Variants in ENC1 observed in about 807,000 individuals in gnomAD.
The protein encoded by ENC1 is ectoderm-neural cortex protein 1.
ENC1 carries 19 observed loss-of-function variants against 40.9 expected under a neutral mutation model. The ratio of observed to expected loss-of-function variants is 0.46; its 90% confidence interval spans 0.32 to 0.68. ENC1 has a LOEUF of 0.68. Ranked by LOEUF, ENC1 falls within the 30% of genes least tolerant of loss-of-function variation. The pLI, the probability that ENC1 is intolerant of heterozygous loss-of-function variation, is 0.03. For missense variants in ENC1, 479 were observed against 737.5 expected, an observed-to-expected ratio of 0.65 and a Z score of 4.06; for synonymous variants, 285 against 291.1, an observed-to-expected ratio of 0.98 and a Z score of 0.21.
chr5:74,629,298 C>G lies in ENC1; in HGVS notation c.*727G>C, dbSNP rs1747310444. The G allele has an allele frequency of 6.6e-6, 1 of 152,176 alleles. No homozygotes were observed. The highest frequency in any genetic ancestry group is 2.4e-5 in the African/African-American group (1 of 41,434). 9.4% of individuals were successfully genotyped at this position (152,176 alleles called of 1,614,324 possible). On this transcript the variant is annotated 3_prime_UTR_variant, in exon 3 of 3. Coordinates refer to ENST00000302351, the MANE Select transcript of ENC1 (RefSeq NM_003633.4). ...AAACGTACAACCATTCACACACGTCCATACATGTGAAGACAGCTGTAGGCA... is the reference window on the plus strand; with the variant it reads ...AAACGTACAACCATTCACACACGTCGATACATGTGAAGACAGCTGTAGGCA...
chr5:74,634,853 C>T lies in ENC1; in HGVS notation c.1633G>A (p.Gly545Arg), dbSNP rs1202858810. The T allele has an allele frequency of 6.2e-7, 1 of 1,614,168 alleles. No homozygotes were observed. The highest frequency in any genetic ancestry group is 1.3e-5 in the African/African-American group (1 of 75,036). The change falls in exon 2 of 3, where the codon GGA becomes AGA. Residue 545 changes from glycine to arginine, a missense_variant. Coordinates refer to ENST00000302351, the MANE Select transcript of ENC1 (RefSeq NM_003633.4). ...TTGCATCGCTGAATGCCAAAGTATC[C>T]TCCAACCACGTAGAGTTTGTTTCCA... ...ASGNKLYVVG[G>R]YFGIQRCKTL... is the part of the protein sequence containing the mutation.
chr5:74,631,818 C>T (rs1169663445), intron 2 of ENC1, among the ~76,000 whole-genome samples: 1 of 152,148 alleles, frequency 6.6e-6, no homozygotes, highest in African/African-American at 2.4e-5. Flanking sequence ...AAAGGAGGAA[C>T]CAAAAGTGAA....
intron 2 of ENC1, among the ~76,000 whole-genome samples, chr5:74,633,580 G>A (rs751542973): frequency 2.0e-5 from 3 of 152,166 alleles, no homozygotes; most frequent in Non-Finnish European, 4.4e-5. Flanking sequence ...TAATTTTGGA[G>A]AGAATAAACT....
intron 2 of ENC1, among the ~76,000 whole-genome samples, chr5:74,631,762 G>A (rs1325137865): frequency 6.6e-6 from 1 of 152,170 alleles, no homozygotes; most frequent in African/African-American, 2.4e-5. Flanking sequence ...AACACCCAGG[G>A]TAGGGTGAAG....
At chr5:74,633,028 GAAACA>G (rs1363018095) in intron 2 of ENC1, among the ~76,000 whole-genome samples, 1 of 152,174 alleles carries the variant, frequency 6.6e-6, no homozygotes, top group East Asian at 1.9e-4. Context: ...TCAAAGGTGT[GAAACA>G]TACTAGGGAA....
rs1228620722 is a variant in ENC1, at chr5:74,635,733, G to A, written c.753C>T (p.Ala251=). The A allele has an allele frequency of 6.2e-7, 1 of 1,614,092 alleles. No individual in the cohort carries two copies. Among genetic ancestry groups the A allele is most frequent in the South Asian group, 1.1e-5 (1 of 91,070 alleles). The change falls in exon 2 of 3, where the codon GCC becomes GCT. Residue 251 remains alanine, a synonymous_variant. Coordinates refer to ENST00000302351, the MANE Select transcript of ENC1 (RefSeq NM_003633.4). This position sits in a 1 kb window ranked among gnomAD's most constrained non-coding sequence, Gnocchi z 5.5. ...TCTGCTTGGTGATGAGTTCCTCCAT[G>A]GCCACATTCTCCATGAGATAGATGG... ...LPAIYLMENV[A]MEELITKQRK... is the part of the protein sequence containing the mutation.
At chr5:74,633,840 C>T (rs1374217120) in intron 2 of ENC1, among the ~76,000 whole-genome samples, 7 of 152,164 alleles carry the variant, frequency 4.6e-5, no homozygotes, top group Non-Finnish European at 1.0e-4. Context: ...GCTTAGCCTC[C>T]GTAATGCATG....
intron 2 of ENC1, chr5:74,632,170 T>G (rs1416386801): frequency 1.3e-5 from 2 of 152,252 alleles, no homozygotes; most frequent in African/African-American, 4.8e-5. Context: ...CCCATTGTCA[T>G]TTTTTATGTA....
chr5:74,635,734 G>A lies in ENC1; in HGVS notation c.752C>T (p.Ala251Val), dbSNP rs761380505. The change falls in exon 2 of 3, where the codon GCC (alanine) becomes GTC (valine). Residue 251 changes from alanine (A) to valine (V), a missense_variant. Coordinates refer to ENST00000302351, the MANE Select transcript of ENC1 (RefSeq NM_003633.4). The surrounding 1 kb of genome is among the most constrained non-coding windows in gnomAD (Gnocchi z 5.5). Reference protein sequence around the residue: ...LPAIYLMENVAMEELITKQRK... With the variant: ...LPAIYLMENVVMEELITKQRK... Reference sequence around the variant, plus strand: ...CTGCTTGGTGATGAGTTCCTCCATGGCCACATTCTCCATGAGATAGATGGC... The same window carrying A: ...CTGCTTGGTGATGAGTTCCTCCATGACCACATTCTCCATGAGATAGATGGC... 6.2e-7 allele frequency: 1 copy of A among 1,614,082 alleles called. No individual in the cohort carries two copies.
chr5:74,633,228 T>A (rs1276534347), intron 2 of ENC1, among the ~76,000 whole-genome samples: 1 of 152,240 alleles, frequency 6.6e-6, no homozygotes, highest in Non-Finnish European at 1.5e-5. Flanking sequence ...CTAAGAATGC[T>A]TAGCAGCAAA....
At chr5:74,639,358 A>G (rs1747737649) in intron 1 of ENC1, among the ~76,000 whole-genome samples, 1 of 152,210 alleles carries the variant, frequency 6.6e-6, no homozygotes, top group Non-Finnish European at 1.5e-5. Flanking sequence ...TGGCCAAGAA[A>G]ATGCACACAT....
At position 74,628,817 on chromosome 5, in the gene ENC1, C is replaced by G. The variant is rs1009561607; in HGVS notation, c.*1208G>C. On this transcript the variant is annotated 3_prime_UTR_variant, in exon 3 of 3. Transcript: ENST00000302351. The stretch of plus-strand genomic sequence containing the variant: ...TTAAATGTGGTTATGGCAAAGCATT[C>G]TTAGGGTAATAAATAAATAAATAAA... 1.5e-4 allele frequency: 23 copies of G among 152,204 alleles called. No homozygotes were observed. The highest frequency in any genetic ancestry group is 5.5e-4 in the African/African-American group (23 of 41,534). The allele number at this position is 152,204 out of a possible 1,614,324, so 9.4% of individuals were successfully genotyped here.
At position 74,636,590 on chromosome 5, in the gene ENC1, A is replaced by G; in HGVS notation, c.-13-92T>C. ...AACAATGGTTTTGCACAAAAAACAG[A>G]ACACTTTGTTGTTGACCATGCCACC... On this transcript the variant is annotated intron_variant, in intron 1 of 2. Transcript: ENST00000302351. The surrounding 1 kb of genome is among the most constrained non-coding windows in gnomAD (Gnocchi z 4.8). 1.3e-6 allele frequency: 1 copy of G among 748,358 alleles called. No homozygotes were observed. The highest frequency in any genetic ancestry group is 2.1e-6 in the Non-Finnish European group (1 of 465,494). The allele number at this position is 748,358 out of a possible 1,614,324, so 46.4% of individuals were successfully genotyped here.
chr5:74,636,296 G>A lies in ENC1; in HGVS notation c.190C>T (p.Leu64=), dbSNP rs774597799. 5.0e-6 allele frequency: 8 copies of A among 1,614,088 alleles called. 1 individual carries two copies. The highest frequency in any genetic ancestry group is 6.8e-6 in the Non-Finnish European group (8 of 1,180,056). Residue 64 remains leucine, a synonymous_variant, in exon 2 of 3, where the codon CTG becomes TTG. Coordinates refer to ENST00000302351, the MANE Select transcript of ENC1 (RefSeq NM_003633.4). The surrounding 1 kb of genome is among the most constrained non-coding windows in gnomAD (Gnocchi z 4.8). The stretch of plus-strand genomic sequence containing the variant: ...TCAAAGTAGCGACTGCATGCAGCCA[G>A]CACTGCCCGGTGGCAAGGGAAGGTC... ...NRTFPCHRAV[L]AACSRYFEAM...
At chr5:74,639,059 A>T (rs1747723328) in intron 1 of ENC1, among the ~76,000 whole-genome samples, 1 of 152,362 alleles carries the variant, frequency 6.6e-6, no homozygotes, top group African/African-American at 2.4e-5. Context: ...GGTTGGCCCA[A>T]CAAGCCAGAA....
intron 2 of ENC1, among the ~76,000 whole-genome samples, chr5:74,631,806 A>G (rs1747404314): frequency 6.6e-6 from 1 of 152,232 alleles, no homozygotes; most frequent in South Asian, 2.1e-4. Context: ...CTCTGGGCTG[A>G]AAAAGGAGGA....
intron 2 of ENC1, among the ~76,000 whole-genome samples, chr5:74,633,593 G>A (rs1747464889): frequency 6.6e-6 from 1 of 152,202 alleles, no homozygotes; most frequent in Non-Finnish European, 1.5e-5. Context: ...AATAAACTAG[G>A]AATGAATTTG....
chr5:74,630,751 C>T (rs1239646728), intron 2 of ENC1, among the ~76,000 whole-genome samples: 2 of 152,216 alleles, frequency 1.3e-5, no homozygotes, highest in Non-Finnish European at 2.9e-5. Context: ...CTTGCATTTC[C>T]TCACACTGCT....
At chr5:74,634,489 G>A (rs1747502212) in intron 2 of ENC1, among the ~76,000 whole-genome samples, 195 bp downstream of exon 2, 1 of 152,110 alleles carries the variant, frequency 6.6e-6, no homozygotes, top group African/African-American at 2.4e-5. Context: ...GAGAACCACT[G>A]GCTAATGCCA....
Sources: gnomAD v4.1 joint callset for allele counts (sites outside exome capture counted in the v4.1 genomes callset) on GRCh38, gnomAD v4.1.1 for gene constraint, Gnocchi (gnomAD v3.1) non-coding constraint, MANE v1.5 for transcripts, NCBI Gene and HGNC (gene_info 2026-07-23, HGNC 2026-07-21) for gene names.